Variants in KCND2 observed in about 807,000 individuals in gnomAD.
The protein encoded by KCND2 is A-type voltage-gated potassium channel KCND2.
Under a neutral mutation model 54.4 loss-of-function variants are expected in KCND2, and 16 were observed. The ratio of observed to expected loss-of-function variants is 0.29; its 90% CI spans 0.20 to 0.45. The LOEUF is 0.45. KCND2 is among the 20% of genes least tolerant of loss of function. The probability of loss-of-function intolerance (pLI) is 1.00; values close to 1 mark genes in which losing one functional copy is unlikely to be tolerated. For missense variants in KCND2, 486 were observed against 824.2 expected (o/e 0.59, Z 5.02); for synonymous variants, 317 against 310.7 (o/e 1.02, Z -0.21).
chr7:120,534,493 C>T (rs1294882236), intron 1 of KCND2, among the ~76,000 whole-genome samples: 1 of 151,964 alleles, frequency 6.6e-6, no homozygotes, highest in East Asian at 1.9e-4. Context: ...AGAAACTGCC[C>T]CAGTGTAGAG....
chr7:120,321,393 C>T (rs1287202010), intron 1 of KCND2, among the ~76,000 whole-genome samples: 1 of 152,086 alleles, frequency 6.6e-6, no homozygotes, highest in Non-Finnish European at 1.5e-5. Flanking sequence ...CTCAGCCTCC[C>T]AAAGCTTCAG....
chr7:120,679,983 C>T (rs981802077), intron 1 of KCND2, among the ~76,000 whole-genome samples: 2 of 151,980 alleles, frequency 1.3e-5, no homozygotes, highest in African/African-American at 4.8e-5. Flanking sequence ...AAGTCAGAGA[C>T]GGTTTAGACT....
intron 1 of KCND2, among the ~76,000 whole-genome samples, chr7:120,304,576 G>A (rs1408756866): frequency 1.1e-4 from 16 of 152,244 alleles, no homozygotes; most frequent in Admixed American, 9.8e-4. Context: ...ATCAATCTTC[G>A]TTTTAACGTG....
intron 1 of KCND2, among the ~76,000 whole-genome samples, chr7:120,484,340 A>G (rs1026195876): frequency 6.6e-6 from 1 of 152,074 alleles, no homozygotes; most frequent in Non-Finnish European, 1.5e-5. Context: ...TTTTTTGTAG[A>G]AATGGGGTGC....
intron 1 of KCND2, among the ~76,000 whole-genome samples, chr7:120,683,523 C>A (rs1055658667): frequency 2.6e-5 from 4 of 152,068 alleles, no homozygotes; most frequent in African/African-American, 9.7e-5. Context: ...GTGAAAAGTT[C>A]TGTTTTTTAA....
At chr7:120,358,203 G>A (rs1245491795) in intron 1 of KCND2, among the ~76,000 whole-genome samples, 2 of 152,276 alleles carry the variant, frequency 1.3e-5, no homozygotes, top group Middle Eastern at 3.4e-3. Context: ...AGCAAGGTGT[G>A]TATAACAGGT....
intron 5 of KCND2, 30 bp downstream of exon 5, chr7:120,746,057 C>T: frequency 1.2e-6 from 2 of 1,608,862 alleles, no homozygotes; most frequent in Non-Finnish European, 1.7e-6. Flanking sequence ...GTTGTCTACA[C>T]ACCTGTGCTG....
chr7:120,415,092 A>G (rs1432759387), intron 1 of KCND2, among the ~76,000 whole-genome samples: 1 of 152,168 alleles, frequency 6.6e-6, no homozygotes, highest in Admixed American at 6.5e-5. Context: ...TGTACATTAA[A>G]CTACTACCAC....
intron 1 of KCND2, among the ~76,000 whole-genome samples, chr7:120,489,707 G>A (rs73435900): frequency 0.027 from 4,049 of 152,172 alleles, 160 homozygotes; most frequent in African/African-American, 0.091. Flanking sequence ...TGAATTAGTG[G>A]TATTTCATTC....
chr7:120,559,769 T>A (rs1209200479), intron 1 of KCND2, among the ~76,000 whole-genome samples: 1 of 152,214 alleles, frequency 6.6e-6, no homozygotes, highest in Non-Finnish European at 1.5e-5. Flanking sequence ...AGTTTGGCTT[T>A]AGTTAAATGT....
chr7:120,700,594 C>A (rs956959851), intron 1 of KCND2, among the ~76,000 whole-genome samples: 4 of 152,154 alleles, frequency 2.6e-5, no homozygotes, highest in Non-Finnish European at 5.9e-5. Flanking sequence ...CTTTCAACAT[C>A]AAACTTTGGA....
chr7:120,511,024 T>TCTCA (rs36008574), intron 1 of KCND2, among the ~76,000 whole-genome samples: 72 of 145,078 alleles, frequency 5.0e-4, no homozygotes, highest in African/African-American at 1.4e-3. Flanking sequence ...TCTCTCTCTC[T>TCTCA]CACACACACA....
At chr7:120,649,643 A>G (rs1023445144) in intron 1 of KCND2, among the ~76,000 whole-genome samples, 2 of 151,942 alleles carry the variant, frequency 1.3e-5, no homozygotes, top group Non-Finnish European at 2.9e-5. Flanking sequence ...GTTTGAGTTC[A>G]TTGTAGATTC....
chr7:120,538,471 A>G (rs1348106034), intron 1 of KCND2, among the ~76,000 whole-genome samples: 1 of 152,190 alleles, frequency 6.6e-6, no homozygotes, highest in Non-Finnish European at 1.5e-5. Context: ...TGGGACAACT[A>G]TGATTGCCAC....
At chr7:120,690,909 G>A (rs140520836) in intron 1 of KCND2, among the ~76,000 whole-genome samples, 50 of 152,244 alleles carry the variant, frequency 3.3e-4, no homozygotes, top group African/African-American at 1.1e-3. Context: ...AAAAGAAAAC[G>A]AGAATGAGGA....
chr7:120,348,004 G>A (rs1360882042), intron 1 of KCND2, among the ~76,000 whole-genome samples: 1 of 152,052 alleles, frequency 6.6e-6, no homozygotes, highest in Non-Finnish European at 1.5e-5. Context: ...CTTTCAGGAA[G>A]GCGCTAAACT....
chr7:120,367,056 C>T (rs192814196), intron 1 of KCND2, among the ~76,000 whole-genome samples: 12 of 152,106 alleles, frequency 7.9e-5, no homozygotes, highest in African/African-American at 1.9e-4. Flanking sequence ...GTAGGTTTGC[C>T]GCTATTGCAT....
At chr7:120,434,833 A>C (rs1801843336) in intron 1 of KCND2, among the ~76,000 whole-genome samples, 1 of 151,660 alleles carries the variant, frequency 6.6e-6, no homozygotes, top group Admixed American at 6.6e-5. Context: ...AAAAAAATAG[A>C]CTTTTCCAGG....
At chr7:120,446,373 C>T (rs1802018961) in intron 1 of KCND2, among the ~76,000 whole-genome samples, 1 of 152,120 alleles carries the variant, frequency 6.6e-6, no homozygotes, top group Non-Finnish European at 1.5e-5. Context: ...TGATCCTTAA[C>T]AAATAATTAT....
Sources: gnomAD v4.1 joint callset for allele counts (sites outside exome capture counted in the v4.1 genomes callset) on GRCh38, gnomAD v4.1.1 for gene constraint, MANE v1.5 for transcripts, NCBI Gene and HGNC (gene_info 2026-07-23, HGNC 2026-07-21) for gene names.